The following SUGCT variants were observed in gnomAD, a reference collection of about 807,000 sequenced individuals.
SUGCT encodes succinyl-CoA:glutarate-CoA transferase, also known as succinyl-CoA:glutarate CoA-transferase.
A neutral mutation model predicts 55.0 loss-of-function variants in SUGCT; 41 were observed. That is an observed-to-expected ratio of 0.74 (90% CI 0.58 to 0.97). SUGCT has a LOEUF of 0.97. SUGCT is among the 50% of genes least tolerant of loss of function. The probability of loss-of-function intolerance (pLI) is 0.00; values close to 1 mark genes in which losing one functional copy is unlikely to be tolerated. For synonymous variants in SUGCT, 187 were observed against 200.4 expected, an observed-to-expected ratio of 0.93 and a Z score of 0.56; for missense variants, 568 against 547.8, an observed-to-expected ratio of 1.04 and a Z score of -0.37.
chr7:40,250,539 G>A (rs1401948101), intron 7 of SUGCT, among the ~76,000 whole-genome samples: 2 of 152,012 alleles, frequency 1.3e-5, no homozygotes, highest in Non-Finnish European at 1.5e-5. Flanking sequence ...TAGTTGGTAA[G>A]CATCAATGTT....
At chr7:40,548,444 T>C (rs931963932) in intron 12 of SUGCT, among the ~76,000 whole-genome samples, 1 of 152,182 alleles carries the variant, frequency 6.6e-6, no homozygotes, top group Admixed American at 6.6e-5. Flanking sequence ...GCAACCCTCC[T>C]GCCTCAGCCT....
intron 6 of SUGCT, among the ~76,000 whole-genome samples, chr7:40,222,254 A>G (rs576708849): frequency 2.1e-4 from 32 of 152,344 alleles, no homozygotes; most frequent in African/African-American, 7.7e-4. Context: ...ACCTATTACA[A>G]TGCCCCGTGT....
chr7:41,017,084 C>A, the SUGCT span, among the ~76,000 whole-genome samples: 1 of 152,192 alleles, frequency 6.6e-6, no homozygotes, highest in Non-Finnish European at 1.5e-5. Context: ...CTGCTCTTAC[C>A]ATTCTCTTTT....
chr7:40,313,338 T>C (rs895638150), intron 8 of SUGCT, among the ~76,000 whole-genome samples: 7 of 152,158 alleles, frequency 4.6e-5, no homozygotes, highest in African/African-American at 1.7e-4. Context: ...AACCAAAAAG[T>C]CACATCCTGC....
intron 6 of SUGCT, among the ~76,000 whole-genome samples, chr7:40,214,783 A>G (rs993801001): frequency 6.6e-6 from 1 of 151,944 alleles, no homozygotes; most frequent in Admixed American, 6.6e-5. Flanking sequence ...GTGTGGTGGC[A>G]TGTGCCTGTA....
chr7:40,239,884 T>C (rs753683149), intron 7 of SUGCT, among the ~76,000 whole-genome samples: 2 of 152,200 alleles, frequency 1.3e-5, no homozygotes, highest in African/African-American at 2.4e-5. Flanking sequence ...CATTCCTTAA[T>C]TAAGTTACAC....
At chr7:40,589,569 C>T (rs1797598908) in intron 12 of SUGCT, among the ~76,000 whole-genome samples, 1 of 152,132 alleles carries the variant, frequency 6.6e-6, no homozygotes, top group African/African-American at 2.4e-5. Flanking sequence ...TAAACACATC[C>T]CATTAGGCCC....
intron 6 of SUGCT, among the ~76,000 whole-genome samples, chr7:40,227,079 C>T (rs1788419504): frequency 9.2e-6 from 1 of 108,950 alleles, no homozygotes; most frequent in East Asian, 2.9e-4. Flanking sequence ...CAGAGTCTTG[C>T]TCTGTCTCCC....
the SUGCT span, among the ~76,000 whole-genome samples, chr7:41,019,304 T>C: frequency 2.6e-4 from 40 of 152,226 alleles, no homozygotes; most frequent in Admixed American, 9.8e-4. Context: ...TGCACACCGA[T>C]TTACATGTCA....
At chr7:40,910,792 A>G in the SUGCT span, among the ~76,000 whole-genome samples, 3 of 152,194 alleles carry the variant, frequency 2.0e-5, no homozygotes, top group Non-Finnish European at 4.4e-5. Context: ...AGCATAGCCC[A>G]TGGCACACAA....
chr7:41,025,410 C>G, the SUGCT span, among the ~76,000 whole-genome samples: 2 of 151,626 alleles, frequency 1.3e-5, no homozygotes, highest in Non-Finnish European at 2.9e-5. Context: ...CGCTCTGTCA[C>G]CCAGGCTGAA....
chr7:41,028,298 A>G, the SUGCT span, among the ~76,000 whole-genome samples: 1 of 152,264 alleles, frequency 6.6e-6, no homozygotes, highest in South Asian at 2.1e-4. Flanking sequence ...CGGTCAAAGA[A>G]AGGCTTTAAG....
intron 8 of SUGCT, among the ~76,000 whole-genome samples, chr7:40,313,436 TTCTC>T (rs2151102319): frequency 6.6e-6 from 1 of 152,304 alleles, no homozygotes; most frequent in East Asian, 1.9e-4. Flanking sequence ...GCTATTGACT[TTCTC>T]TCCCTTCTCC....
chr7:40,943,535 G>A, the SUGCT span, among the ~76,000 whole-genome samples: 467 of 147,212 alleles, frequency 3.2e-3, 2 homozygotes, highest in African/African-American at 0.011. Context: ...GCGGTGTTTG[G>A]TTTTTTGTCC....
chr7:40,691,940 G>A (rs1222315809), intron 12 of SUGCT, among the ~76,000 whole-genome samples: 1 of 152,102 alleles, frequency 6.6e-6, no homozygotes, highest in East Asian at 1.9e-4. Flanking sequence ...TTTCTCATTG[G>A]ATTCTTATTG....
chr7:40,444,360 G>T (rs1788693205), intron 9 of SUGCT, among the ~76,000 whole-genome samples: 1 of 152,140 alleles, frequency 6.6e-6, no homozygotes, highest in South Asian at 2.1e-4. Flanking sequence ...CATGAGCGTG[G>T]AATGTTCTTC....
At chr7:40,326,127 A>G (rs1796018556) in intron 9 of SUGCT, among the ~76,000 whole-genome samples, 1 of 151,976 alleles carries the variant, frequency 6.6e-6, no homozygotes, top group African/African-American at 2.4e-5. Flanking sequence ...ATTAAAACAT[A>G]ATTTCTTGAG....
chr7:40,886,846 C>T, the SUGCT span, among the ~76,000 whole-genome samples: 1 of 152,200 alleles, frequency 6.6e-6, no homozygotes, highest in Admixed American at 6.5e-5. Flanking sequence ...ATTGGAAGGA[C>T]AGGCCCAGAA....
At chr7:40,187,628 T>C (rs1785601800) in intron 3 of SUGCT, among the ~76,000 whole-genome samples, 1 of 152,156 alleles carries the variant, frequency 6.6e-6, no homozygotes, top group Admixed American at 6.5e-5. Flanking sequence ...ACCTGAGATA[T>C]GAGTGCAAAT....
Sources: gnomAD v4.1 joint callset for allele counts (sites outside exome capture counted in the v4.1 genomes callset) on GRCh38, gnomAD v4.1.1 for gene constraint, MANE v1.5 for transcripts, NCBI Gene and HGNC (gene_info 2026-07-23, HGNC 2026-07-21) for gene names.